CAPS2: variants seen among roughly 807,000 people sequenced by gnomAD.
CAPS2 encodes calcyphosin-2.
A neutral mutation model predicts 86.5 loss-of-function variants in CAPS2; 98 were observed. That is an observed-to-expected ratio of 1.13 (90% CI 0.96 to 1.34). CAPS2 has a LOEUF of 1.34. Ranked by LOEUF, CAPS2 falls within the 40% of genes most tolerant of loss-of-function variation. The pLI is 0.00. For missense variants in CAPS2, 729 were observed against 686.8 expected (o/e 1.06, Z -0.69); for synonymous variants, 210 against 225.1 (o/e 0.93, Z 0.60).
chr12:75,316,153 C>T, intron 6 of CAPS2, 159 bp downstream of exon 6: 1 of 935,828 alleles, frequency 1.1e-6, no homozygotes, highest in Non-Finnish European at 1.5e-6. Flanking sequence ...AAATACAATT[C>T]AATCATTTAT....
chr12:75,360,187 G>A (rs371565345), intron 1 of CAPS2: 33 of 152,236 alleles, frequency 2.2e-4, no homozygotes, highest in East Asian at 9.7e-4. Context: ...GATAAGGTTT[G>A]GGTGGGGACA....
rs928672621 is a variant in CAPS2 at position 75,321,588 on chromosome 12, A to T, written c.292-12T>A. 5 of 1,526,708 alleles carry T rather than the reference A, an allele frequency of 3.3e-6. No individual in the cohort carries two copies. Among genetic ancestry groups the T allele is most frequent in the Non-Finnish European group, 4.4e-6 (5 of 1,132,134 alleles). The allele number at this position is 1,526,708 out of a possible 1,614,324, so 94.6% of individuals were successfully genotyped here. A position where few individuals can be genotyped will look rare whatever the true frequency, so the allele number is the denominator to read the frequency against. ...ATTATGTTCTGATCCTATAGGTAAA[A>T]AGAAAAAAGCATGCTATCAGAAAAA... On this transcript the variant is annotated splice_polypyrimidine_tract_variant and intron_variant, in intron 4 of 16. Transcript: ENST00000393284.
intron 16 of CAPS2, 69 bp from the exon 17 acceptor site, chr12:75,279,134 G>T: frequency 6.3e-6 from 8 of 1,265,916 alleles, no homozygotes; most frequent in Non-Finnish European, 8.6e-6. Context: ...GATGATAAAG[G>T]AATACTTAAT....
intron 1 of CAPS2, among the ~76,000 whole-genome samples, chr12:75,380,360 T>A (rs920655919): frequency 1.3e-4 from 20 of 152,166 alleles, no homozygotes; most frequent in African/African-American, 4.8e-4. Flanking sequence ...AATTCCATTA[T>A]CATCACTTCG....
At chr12:75,327,280 T>G (rs1361150690), upstream of CAPS2, among the ~76,000 whole-genome samples, 1 of 152,180 alleles carries the variant, frequency 6.6e-6, no homozygotes, top group Admixed American at 6.5e-5. Flanking sequence ...CAGAGTAGGC[T>G]GATGAAAATA....
exon 3 of CAPS2, chr12:75,323,179 C>T (rs200388288): frequency 6.5e-7 from 1 of 1,537,474 alleles, no homozygotes; most frequent in Non-Finnish European, 8.8e-7. Context: ...AAAATTACCT[C>T]ATCATCAGAG....
At chr12:75,349,622 GA>G (rs2042673369) in intron 1 of CAPS2, among the ~76,000 whole-genome samples, 1 of 152,062 alleles carries the variant, frequency 6.6e-6, no homozygotes, top group South Asian at 2.1e-4. Flanking sequence ...GCAAAGATAT[GA>G]AAAATATTAA....
chr12:75,321,115 A>G (rs975792276), intron 5 of CAPS2, among the ~76,000 whole-genome samples: 1 of 152,062 alleles, frequency 6.6e-6, no homozygotes, highest in African/African-American at 2.4e-5. Context: ...CTTATTTCTA[A>G]TCCCAAGGTA....
chr12:75,372,603 C>A (rs1211150690), intron 1 of CAPS2, among the ~76,000 whole-genome samples: 3 of 152,092 alleles, frequency 2.0e-5, no homozygotes, highest in Non-Finnish European at 4.4e-5. Context: ...GATGCCTGGA[C>A]TCGTGAATCC....
chr12:75,366,951 T>C, intron 1 of CAPS2: 1 of 701,796 alleles, frequency 1.4e-6, no homozygotes, highest in South Asian at 1.5e-5. Context: ...CAGTCCCCAG[T>C]CACCCAAGGG....
intron 1 of CAPS2, among the ~76,000 whole-genome samples, chr12:75,338,505 T>C (rs953246192): frequency 3.3e-5 from 5 of 152,182 alleles, no homozygotes; most frequent in African/African-American, 4.8e-5. Flanking sequence ...ATTCCTTTTA[T>C]TTCATTTTTT....
chr12:75,298,352 G>T (rs1182561178), intron 11 of CAPS2: 5 of 234,612 alleles, frequency 2.1e-5, no homozygotes, highest in Admixed American at 2.0e-4. Flanking sequence ...ACCTACTTTG[G>T]GTAATATTGA....
At chr12:75,342,794 G>A (rs2042202885) in intron 1 of CAPS2, among the ~76,000 whole-genome samples, 1 of 151,882 alleles carries the variant, frequency 6.6e-6, no homozygotes, top group Admixed American at 6.6e-5. Flanking sequence ...GAATATTCTG[G>A]TCCATGAACA....
chr12:75,317,230 A>G (rs938982594), intron 5 of CAPS2, among the ~76,000 whole-genome samples: 2 of 152,184 alleles, frequency 1.3e-5, no homozygotes, highest in Non-Finnish European at 2.9e-5. Context: ...GTGGCAGAAC[A>G]GGATAACACA....
chr12:75,390,055 G>A (rs2045497957), intron 1 of CAPS2, among the ~76,000 whole-genome samples: 1 of 152,142 alleles, frequency 6.6e-6, no homozygotes, highest in Non-Finnish European at 1.5e-5. Flanking sequence ...CTGTTACAAT[G>A]TTTTGTAGTA....
At chr12:75,334,656 G>A, upstream of CAPS2, 1 of 1,556,242 alleles carries the variant, frequency 6.4e-7, no homozygotes, top group South Asian at 1.2e-5. Flanking sequence ...GCGGGGGCGT[G>A]GGGAAATCGG....
intron 7 of CAPS2, among the ~76,000 whole-genome samples, chr12:75,311,700 G>GAAAAAAAAAAAAAAAAAAAAAAA (rs1306107054): frequency 1.5e-4 from 1 of 6,702 alleles, no homozygotes; most frequent in African/African-American, 4.0e-4. Flanking sequence ...AGCCATGCAG[G>GAAAAAAAAAAAAAAAAAAAAAAA]AAAAAAAAAA....
chr12:75,294,278 G>C (rs1407737733), intron 11 of CAPS2, among the ~76,000 whole-genome samples: 15 of 152,226 alleles, frequency 9.9e-5, no homozygotes, highest in East Asian at 9.6e-4. Context: ...GCTTAATTCT[G>C]CCTGTTGAAT....
At position 75,325,288 on chromosome 12, in the gene CAPS2, G is replaced by A. The variant is rs1409135980; in HGVS notation, c.82C>T (p.Gln28Ter). Reference sequence around the variant, plus strand: ...GTCCATGACTCAGAAGTCCACCTTTGCTTTAATTAAAAAAAAAACTTTTTG... The same window carrying A: ...GTCCATGACTCAGAAGTCCACCTTTACTTTAATTAAAAAAAAAACTTTTTG... The change falls in exon 2 of 17, where the codon CAA (glutamine) becomes TAA (stop). Residue 28 changes from glutamine to a stop codon, truncating the protein, a stop_gained and splice_region_variant. Coordinates refer to ENST00000393284, the Ensembl canonical transcript of CAPS2. LOFTEE classifies it high-confidence loss of function. 3.9e-6 allele frequency: 6 copies of A among 1,542,232 alleles called. No homozygotes were observed. Among genetic ancestry groups the A allele is most frequent in the Non-Finnish European group, 5.2e-6 (6 of 1,143,344 alleles).
Sources: allele counts gnomAD v4.1 joint callset (sites outside exome capture counted in the v4.1 genomes callset), GRCh38; gene constraint gnomAD v4.1.1; transcripts MANE v1.5; gene names NCBI Gene and HGNC (gene_info 2026-07-23, HGNC 2026-07-21).